The following BIRC6 variants were observed in gnomAD, a reference collection of about 807,000 sequenced individuals.
BIRC6 encodes the protein dual E2 ubiquitin-conjugating enzyme/E3 ubiquitin-protein ligase BIRC6.
A neutral mutation model predicts 503.3 loss-of-function variants in BIRC6; 98 were observed. The observed-to-expected ratio is 0.19, with a 90% CI of 0.17 to 0.23. The LOEUF is 0.23. Ranked by LOEUF, BIRC6 falls within the 10% of genes least tolerant of loss-of-function variation. The pLI is 1.00. For missense variants in BIRC6, 5,360 were observed against 5,806.0 expected, an observed-to-expected ratio of 0.92 and a Z score of 2.50; for synonymous variants, 2,240 against 2,078.7, an observed-to-expected ratio of 1.08 and a Z score of -2.11.
At chr2:32,511,337 T>C (rs2054409916) in intron 53 of BIRC6, among the ~76,000 whole-genome samples, 1 of 151,326 alleles carries the variant, frequency 6.6e-6, no homozygotes, top group Non-Finnish European at 1.5e-5. Context: ...TGAGATGGAG[T>C]CTTGCTCTGT....
intron 38 of BIRC6, 128 bp downstream of exon 38, chr2:32,481,581 A>G (rs1223214984): frequency 1.5e-6 from 1 of 684,762 alleles, no homozygotes; most frequent in African/African-American, 1.9e-5. Context: ...CCTGGCCAAC[A>G]TAGTGAAATC....
intron 1 of BIRC6, among the ~76,000 whole-genome samples, chr2:32,359,534 G>T (rs2033713124): frequency 6.6e-6 from 1 of 152,130 alleles, no homozygotes. Context: ...AGGTTTTGTT[G>T]GGGCATCTGT....
At chr2:32,545,977 C>A in intron 63 of BIRC6, 117 bp downstream of exon 63, 1 of 902,012 alleles carries the variant, frequency 1.1e-6, no homozygotes, top group Non-Finnish European at 1.7e-6. Flanking sequence ...ATTTTCACAT[C>A]TAAAAGGATA....
intron 8 of BIRC6, among the ~76,000 whole-genome samples, chr2:32,405,580 G>A (rs2041112629): frequency 6.6e-6 from 1 of 152,112 alleles, no homozygotes; most frequent in South Asian, 2.1e-4. Flanking sequence ...ACCGAGGCGG[G>A]AGGATCACAA....
intron 44 of BIRC6, among the ~76,000 whole-genome samples, chr2:32,492,407 A>G (rs1043791867): frequency 3.3e-5 from 5 of 152,102 alleles, no homozygotes; most frequent in Non-Finnish European, 5.9e-5. Context: ...GAGACAAGGA[A>G]CAAGTAAGAG....
At chr2:32,582,501 C>T (rs1166565804) in intron 66 of BIRC6, among the ~76,000 whole-genome samples, 5 of 152,168 alleles carry the variant, frequency 3.3e-5, no homozygotes, top group East Asian at 3.9e-4. Flanking sequence ...TGGTGGCTCA[C>T]GCCTCTAATC....
intron 9 of BIRC6, among the ~76,000 whole-genome samples, chr2:32,411,793 C>G (rs1479039760): frequency 6.6e-6 from 1 of 151,840 alleles, no homozygotes; most frequent in African/African-American, 2.4e-5. Context: ...CTGTAGTGGT[C>G]TTTATGGTAT....
chr2:32,513,440 C>T (rs1027888021), intron 54 of BIRC6, among the ~76,000 whole-genome samples: 1 of 152,126 alleles, frequency 6.6e-6, no homozygotes, highest in Non-Finnish European at 1.5e-5. Flanking sequence ...ATTTTCCCAC[C>T]AGATTATCTT....
At chr2:32,532,013 A>G (rs984453170) in intron 61 of BIRC6, 16 of 461,030 alleles carry the variant, frequency 3.5e-5, no homozygotes, top group South Asian at 8.2e-5. Flanking sequence ...GAAGCTGTCA[A>G]TGTCTGTGCT....
chr2:32,491,788 A>G (rs1367237006), intron 44 of BIRC6, among the ~76,000 whole-genome samples: 2 of 152,198 alleles, frequency 1.3e-5, no homozygotes, highest in African/African-American at 4.8e-5. Context: ...ATAGATACAT[A>G]TTTTTGGCAT....
At position 32,524,989 on chromosome 2, in the gene BIRC6, C is replaced by G. The variant is rs139647045; in HGVS notation, c.11725C>G (p.Gln3909Glu). The G allele has an allele frequency of 1.9e-6, 3 of 1,571,950 alleles. No homozygotes were observed. The highest frequency in any genetic ancestry group is 2.6e-6 in the Non-Finnish European group (3 of 1,161,254). ...AAAAGTTAAAGCGGAAAATGGATTT[C>G]AAGACAATTACAGTGTTGTTGTTGC... is the stretch of plus-strand genomic sequence containing the variant. ...KEKVKAENGF[Q>E]DNYSVVVASG... The change falls in exon 58 of 74, where the codon CAA becomes GAA. Residue 3909 changes from glutamine (Q) to glutamate (E), a missense_variant. Coordinates refer to ENST00000421745, the MANE Select transcript of BIRC6 (RefSeq NM_016252.4).
Position 32,543,297 on chromosome 2 carries a change from G to C in BIRC6, c.12348G>C (p.Gln4116His). ...AGGAAAAGCCGAAGGATAGCGATCA[G>C]TTTGAATGGGTGACCATTGAACAGT... ...TTQEKPKDSD[Q>H]FEWVTIEQSG... The change falls in exon 62 of 74, where the codon CAG (glutamine) becomes CAC (histidine). Residue 4116 changes from glutamine to histidine, a missense_variant. Gln to His is a conservative substitution (Grantham distance 24, BLOSUM62 0). This residue lies in a region of BIRC6 where 878 missense variants were observed against 928.9 expected (regional missense o/e 0.95). Coordinates refer to ENST00000421745, the MANE Select transcript of BIRC6 (RefSeq NM_016252.4). 1 of 1,613,992 alleles carries C rather than the reference G, an allele frequency of 6.2e-7. No individual in the cohort carries two copies. Among genetic ancestry groups the C allele is most frequent in the Non-Finnish European group, 8.5e-7 (1 of 1,179,874 alleles).
intron 21 of BIRC6, among the ~76,000 whole-genome samples, chr2:32,447,528 G>A (rs1414794443): frequency 2.1e-5 from 2 of 95,376 alleles, no homozygotes; most frequent in African/African-American, 9.2e-5. Flanking sequence ...GGGCAGAGGG[G>A]TCCTCACTTC....
chr2:32,401,274 G>A lies in BIRC6; in HGVS notation c.1146G>A (p.Thr382=), dbSNP rs1355487451. 5.6e-6 allele frequency: 9 copies of A among 1,613,994 alleles called. No homozygotes were observed. The highest frequency in any genetic ancestry group is 4.5e-5 in the East Asian group (2 of 44,890). ...CAAGTCCTGCACAGTTTCCTTGTAC[G>A]GATGGAACTGACAGAATATCTTGCT... ...LATSPAQFPC[T]DGTDRISCFG... The change falls in exon 7 of 74, where the codon ACG becomes ACA. Residue 382 remains threonine (T), a synonymous_variant. Coordinates refer to ENST00000421745, the MANE Select transcript of BIRC6 (RefSeq NM_016252.4).
intron 53 of BIRC6, among the ~76,000 whole-genome samples, chr2:32,512,554 G>A (rs1393062080): frequency 6.6e-6 from 1 of 152,182 alleles, no homozygotes; most frequent in East Asian, 1.9e-4. Context: ...AGTGTTGAGA[G>A]TGTATTCTGT....
intron 23 of BIRC6, among the ~76,000 whole-genome samples, chr2:32,456,957 G>A (rs185971413): frequency 5.3e-5 from 8 of 152,126 alleles, no homozygotes; most frequent in African/African-American, 1.7e-4. Context: ...TTGAGATGGG[G>A]TCTTGCTATG....
intron 54 of BIRC6, among the ~76,000 whole-genome samples, chr2:32,514,074 A>G (rs1415771392): frequency 6.6e-6 from 1 of 152,110 alleles, no homozygotes; most frequent in African/African-American, 2.4e-5. Context: ...AAAAAAAATA[A>G]CTTTGGGGAG....
At position 32,436,067 on chromosome 2, in the gene BIRC6, C is replaced by T. The variant is rs559924321; in HGVS notation, c.3514C>T (p.Pro1172Ser). Residue 1172 changes from proline (P) to serine (S), a missense_variant, in exon 15 of 74, where the codon CCA becomes TCA. Coordinates refer to ENST00000421745, the MANE Select transcript of BIRC6 (RefSeq NM_016252.4). ...TTTCTTTTTAGGTCTTAGATTATGT[C>T]CATTTTTGGAGGATCATAAAGAAGA... Reference protein sequence around the residue: ...VEESQCLRLCPFLEDHKEDIL... With the variant: ...VEESQCLRLCSFLEDHKEDIL... 2 of 1,418,644 alleles carry T rather than the reference C, an allele frequency of 1.4e-6. No homozygotes were observed. Among genetic ancestry groups the T allele is most frequent in the Non-Finnish European group, 1.9e-6 (2 of 1,069,612 alleles). 87.9% of individuals were successfully genotyped at this position (1,418,644 alleles called of 1,614,324 possible).
intron 12 of BIRC6, among the ~76,000 whole-genome samples, chr2:32,433,008 GAT>G (rs1003567117): frequency 1.3e-5 from 2 of 152,224 alleles, no homozygotes; most frequent in African/African-American, 4.8e-5. Context: ...AGAGTCGTTA[GAT>G]TCTGGATATA....
Sources: gnomAD v4.1 joint callset for allele counts (sites outside exome capture counted in the v4.1 genomes callset) on GRCh38, gnomAD v4.1.1 for gene constraint, gnomAD v4.1.1 regional missense constraint, MANE v1.5 for transcripts, NCBI Gene and HGNC (gene_info 2026-07-23, HGNC 2026-07-21) for gene names.